The following SEMA3A variants were observed in gnomAD, a reference collection of about 807,000 sequenced individuals.
SEMA3A encodes the protein semaphorin 3A.
SEMA3A carries 29 observed loss-of-function variants against 97.9 expected under a neutral mutation model. The observed-to-expected ratio is 0.30, with a 90% CI of 0.22 to 0.40. SEMA3A has a LOEUF of 0.40. Among genes scored for constraint, SEMA3A ranks in the 10% least tolerant of loss-of-function variants. The pLI is 1.00. For missense variants in SEMA3A, 763 were observed against 951.3 expected (o/e 0.80, Z 2.60); for synonymous variants, 321 against 323.7 (o/e 0.99, Z 0.09).
chr7:84,091,255 G>GA, intron 4 of SEMA3A, among the ~76,000 whole-genome samples: 1 of 131,740 alleles, frequency 7.6e-6, no homozygotes, highest in South Asian at 2.5e-4. Context: ...AGGAAAGAAC[G>GA]AAGGAAAGAG....
At chr7:84,097,325 C>A (rs1057232557) in intron 4 of SEMA3A, among the ~76,000 whole-genome samples, 4 of 152,084 alleles carry the variant, frequency 2.6e-5, no homozygotes, top group African/African-American at 9.7e-5. Context: ...CTGATTGAAA[C>A]AGAAAGTAGT....
chr7:84,253,130 A>G (rs999211714), intron 3 of SEMA3A, among the ~76,000 whole-genome samples: 1 of 152,100 alleles, frequency 6.6e-6, no homozygotes, highest in African/African-American at 2.4e-5. Flanking sequence ...CACCTGCCTC[A>G]GCCTCCCAAA....
At chr7:84,150,995 T>C (rs6974519) in intron 1 of SEMA3A, among the ~76,000 whole-genome samples, 1 of 143,156 alleles carries the variant, frequency 7.0e-6, no homozygotes, top group African/African-American at 2.6e-5. Context: ...CACCTCACAC[T>C]GCAGGGTACT....
intron 3 of SEMA3A, among the ~76,000 whole-genome samples, chr7:84,119,062 A>T (rs761858297): frequency 5.3e-5 from 8 of 152,164 alleles, no homozygotes; most frequent in Non-Finnish European, 1.2e-4. Context: ...TCATTAGTTA[A>T]TAATTTTATT....
chr7:83,992,493 C>T (rs956280050), intron 12 of SEMA3A, among the ~76,000 whole-genome samples: 13 of 151,490 alleles, frequency 8.6e-5, no homozygotes, highest in East Asian at 3.9e-4. Flanking sequence ...GCTTTGAATG[C>T]GTCCCAGAGA....
At chr7:84,048,239 C>A (rs537716319) in intron 5 of SEMA3A, among the ~76,000 whole-genome samples, 4 of 151,936 alleles carry the variant, frequency 2.6e-5, no homozygotes, top group Non-Finnish European at 5.9e-5. Context: ...ACTTAAATAT[C>A]AAGTGTAAAT....
chr7:84,465,321 A>C (rs1433306677), intron 1 of SEMA3A, among the ~76,000 whole-genome samples: 1 of 151,974 alleles, frequency 6.6e-6, no homozygotes, highest in African/African-American at 2.4e-5. Context: ...CAAATAACTC[A>C]TTTTTTTCTC....
At chr7:84,489,875 C>CT (rs1806675092) in intron 1 of SEMA3A, among the ~76,000 whole-genome samples, 1 of 151,930 alleles carries the variant, frequency 6.6e-6, no homozygotes, top group African/African-American at 2.4e-5. Context: ...GAGAATATCC[C>CT]TTAGAATAAG....
intron 2 of SEMA3A, among the ~76,000 whole-genome samples, chr7:84,327,135 C>A (rs900956638): frequency 2.0e-5 from 3 of 151,884 alleles, no homozygotes; most frequent in Non-Finnish European, 4.4e-5. Context: ...CTGAAATATG[C>A]AAAATCTGTT....
intron 3 of SEMA3A, among the ~76,000 whole-genome samples, chr7:84,204,896 T>C (rs760708969): frequency 6.6e-6 from 1 of 152,178 alleles, no homozygotes; most frequent in Admixed American, 6.5e-5. Flanking sequence ...ACTTCACAAA[T>C]TGCTGGTGAC....
At position 84,408,291 on chromosome 7, in the gene SEMA3A, A is replaced by C. The variant is rs922163699; in HGVS notation, c.-245-36391T>G. Among the ~76,000 whole-genome samples, 10 of 152,338 alleles carry C rather than the reference A, an allele frequency of 6.6e-5. 2 individuals carry two copies. The highest frequency in any genetic ancestry group is 6.5e-5 in the Admixed American group (1 of 15,304). The stretch of plus-strand genomic sequence containing the variant: ...TATGCAGCCAAAAACCACATGAAAA[A>C]ATGCTCACCATCACTGGCCATCAGA... On this transcript the variant is annotated intron_variant, in intron 1 of 3. Transcript: ENST00000424555.
At chr7:84,167,624 G>C (rs1164164544) in intron 1 of SEMA3A, among the ~76,000 whole-genome samples, 1 of 152,148 alleles carries the variant, frequency 6.6e-6, no homozygotes, top group South Asian at 2.1e-4. Context: ...GTGGGGTAGA[G>C]TGCAGAAGAA....
intron 14 of SEMA3A, among the ~76,000 whole-genome samples, chr7:83,979,651 AT>A (rs1331391220): frequency 1.3e-5 from 2 of 152,216 alleles, no homozygotes; most frequent in Non-Finnish European, 2.9e-5. Context: ...TATAAAAGTA[AT>A]ACGAACATGT....
At chr7:84,429,322 CA>C (rs1804907642) in intron 1 of SEMA3A, among the ~76,000 whole-genome samples, 1 of 151,070 alleles carries the variant, frequency 6.6e-6, no homozygotes, top group South Asian at 2.1e-4. Flanking sequence ...ACGACATCTC[CA>C]ATTTTCCTAA....
chr7:84,460,166 A>C (rs1306462897), intron 1 of SEMA3A, among the ~76,000 whole-genome samples: 1 of 152,122 alleles, frequency 6.6e-6, no homozygotes, highest in Non-Finnish European at 1.5e-5. Flanking sequence ...TTGGTGTAGA[A>C]TGTTTTAAAC....
chr7:84,463,410 G>A (rs1805911107), intron 1 of SEMA3A, among the ~76,000 whole-genome samples: 1 of 151,354 alleles, frequency 6.6e-6, no homozygotes, highest in South Asian at 2.1e-4. Context: ...CACCACGCCC[G>A]GCTAATTTTT....
chr7:84,078,991 T>C (rs910697383), intron 4 of SEMA3A, among the ~76,000 whole-genome samples: 6 of 152,092 alleles, frequency 3.9e-5, no homozygotes, highest in Non-Finnish European at 8.8e-5. Flanking sequence ...GAATTGACTT[T>C]TAGGTCATTA....
At chr7:84,326,065 T>C (rs956425532) in intron 2 of SEMA3A, among the ~76,000 whole-genome samples, 4 of 152,126 alleles carry the variant, frequency 2.6e-5, no homozygotes, top group South Asian at 4.1e-4. Context: ...ATCCATGTTA[T>C]AAAAATTGGC....
chr7:84,068,166 C>T (rs1236146796), intron 4 of SEMA3A, among the ~76,000 whole-genome samples: 1 of 139,778 alleles, frequency 7.2e-6, no homozygotes, highest in Non-Finnish European at 1.5e-5. Context: ...AGTAAACTAT[C>T]GCAAGAACAA....
Sources: allele counts gnomAD v4.1 joint callset (sites outside exome capture counted in the v4.1 genomes callset), GRCh38; gene constraint gnomAD v4.1.1; transcripts MANE v1.5; gene names NCBI Gene and HGNC (gene_info 2026-07-23, HGNC 2026-07-21).